KLF12: variants seen among roughly 807,000 people sequenced by gnomAD.
KLF12 encodes Krueppel-like factor 12.
Under a neutral mutation model 37.8 loss-of-function variants are expected in KLF12, and 9 were observed. That is an observed-to-expected ratio of 0.24 (90% CI 0.14 to 0.42). The LOEUF (loss-of-function observed/expected upper bound fraction) is 0.42. KLF12 is among the 10% of genes least tolerant of loss of function. KLF12 has a pLI of 1.00. For missense variants in KLF12, 411 were observed against 516.0 expected, an observed-to-expected ratio of 0.80 and a Z score of 1.97; for synonymous variants, 208 against 202.1, an observed-to-expected ratio of 1.03 and a Z score of -0.25.
At chr13:73,873,983 GA>G (rs1886591003) in intron 3 of KLF12, among the ~76,000 whole-genome samples, 1 of 152,052 alleles carries the variant, frequency 6.6e-6, no homozygotes, top group African/African-American at 2.4e-5. Context: ...GAATACAAGT[GA>G]ACTTGCTTAA....
At chr13:73,877,191 A>T (rs748602766) in intron 3 of KLF12, among the ~76,000 whole-genome samples, 5 of 152,072 alleles carry the variant, frequency 3.3e-5, no homozygotes, top group Non-Finnish European at 5.9e-5. Flanking sequence ...TTAGAAACTA[A>T]CTCCCAATGT....
intron 5 of KLF12, among the ~76,000 whole-genome samples, chr13:73,805,650 G>GAGGAAGGAAGGAAGGAAGGA (rs1164051826): frequency 5.4e-5 from 2 of 37,062 alleles, no homozygotes; most frequent in South Asian, 1.2e-3. Flanking sequence ...GGGAGGGAGG[G>GAGGAAGGAAGGAAGGAAGGA]AGGAAGGAAG....
Position 73,699,184 on chromosome 13 carries a change from G to GC in KLF12, c.1028-3514dup, listed in dbSNP as rs558807709. Among the ~76,000 whole-genome samples, 142 of 129,028 alleles carry GC rather than the reference G, an allele frequency of 1.1e-3. 2 individuals carry two copies. The highest frequency in any genetic ancestry group is 3.9e-3 in the African/African-American group (133 of 33,826). The allele number at this position is 129,028 out of a possible 152,430, so 84.6% of individuals were successfully genotyped here. ...GAGATCATCCTGGGCAATACAGTGA[G>GC]CCCCCCCACCCCCCCACTGCAATCT... On this transcript the variant is annotated intron_variant, in intron 7 of 7. Transcript: ENST00000377669.
intron 1 of KLF12, among the ~76,000 whole-genome samples, chr13:74,075,561 T>G (rs984760510): frequency 2.6e-5 from 4 of 152,204 alleles, no homozygotes; most frequent in Admixed American, 2.6e-4. Flanking sequence ...CATCAAACAT[T>G]GAGAACCACT....
rs180847294 is a variant in KLF12, at chr13:74,064,372, T to C, written c.-31-69319A>G. 9.0e-4 allele frequency among the ~76,000 whole-genome samples: 137 copies of C among 151,456 alleles called. 1 individual carries two copies. Among genetic ancestry groups the C allele is most frequent in the South Asian group, 4.0e-3 (19 of 4,730 alleles). ...TATTACATATGATTTTCTACAGGCA[T>C]GAACAGTGTCTTCGTGGATTTCACT... On this transcript the variant is annotated intron_variant, in intron 1 of 7. Transcript: ENST00000377669.
At chr13:74,261,523 A>G in the KLF12 span, among the ~76,000 whole-genome samples, 1 of 151,680 alleles carries the variant, frequency 6.6e-6, no homozygotes, top group African/African-American at 2.4e-5. Context: ...ATGTTATCTC[A>G]AAAAAAGAAA....
At chr13:73,963,262 T>C (rs1891072648) in intron 2 of KLF12, among the ~76,000 whole-genome samples, 2 of 148,334 alleles carry the variant, frequency 1.3e-5, no homozygotes, top group Admixed American at 1.4e-4. Context: ...TTAACAATCA[T>C]AAAGTATAAG....
rs551055080 is a variant in KLF12 at position 73,930,331 on chromosome 13, A to G, written c.123+13650T>C. ...AAATAAACTGGCCACATCATATGTCATACATTATTTTTGCCTCTTACAGTT... is the reference window on the plus strand; with the variant it reads ...AAATAAACTGGCCACATCATATGTCGTACATTATTTTTGCCTCTTACAGTT... On this transcript the variant is annotated intron_variant, in intron 3 of 7. Coordinates refer to ENST00000377669, the MANE Select transcript of KLF12 (RefSeq NM_007249.5). Among the ~76,000 whole-genome samples, 3 of 152,338 alleles carry G rather than the reference A, an allele frequency of 2.0e-5. No individual in the cohort carries two copies. In the East Asian group the frequency reaches 5.8e-4, roughly 29 times the overall value.
chr13:73,937,040 A>C (rs1163908011), intron 3 of KLF12, among the ~76,000 whole-genome samples: 1 of 152,094 alleles, frequency 6.6e-6, no homozygotes, highest in Non-Finnish European at 1.5e-5. Context: ...AAATACAAAA[A>C]TTAGCCAGGC....
chr13:73,849,482 C>T (rs145729282), intron 3 of KLF12, among the ~76,000 whole-genome samples: 307 of 149,844 alleles, frequency 2.0e-3, no homozygotes, highest in Non-Finnish European at 3.7e-3. Context: ...CAAGGGGGAA[C>T]GAAGGCTGAG....
intron 5 of KLF12, among the ~76,000 whole-genome samples, chr13:73,808,387 G>T (rs1351986971): frequency 6.6e-6 from 1 of 152,152 alleles, no homozygotes; most frequent in Non-Finnish European, 1.5e-5. Context: ...GTGGATAAAT[G>T]AGAGTCAAGT....
At chr13:73,741,003 A>G (rs2137889604) in intron 6 of KLF12, among the ~76,000 whole-genome samples, 1 of 152,346 alleles carries the variant, frequency 6.6e-6, no homozygotes, top group East Asian at 1.9e-4. Flanking sequence ...ACACAAAATG[A>G]GACACAGTCT....
intron 6 of KLF12, among the ~76,000 whole-genome samples, chr13:73,747,328 G>A (rs1878442251): frequency 1.3e-5 from 2 of 152,158 alleles, no homozygotes. Flanking sequence ...TTTAGCTACG[G>A]AGAAGGCTGT....
chr13:73,776,395 C>A (rs1432934980), intron 5 of KLF12, among the ~76,000 whole-genome samples: 2 of 152,160 alleles, frequency 1.3e-5, no homozygotes, highest in Admixed American at 1.3e-4. Context: ...TTATTTCAGG[C>A]CTTGGCATCT....
At chr13:74,124,047 C>T (rs1202219619) in intron 1 of KLF12, among the ~76,000 whole-genome samples, 1 of 152,190 alleles carries the variant, frequency 6.6e-6, no homozygotes, top group African/African-American at 2.4e-5. Flanking sequence ...GTATTCTAAA[C>T]TGTCTTAATT....
At chr13:74,026,124 C>A (rs1416155255) in intron 1 of KLF12, among the ~76,000 whole-genome samples, 4 of 147,148 alleles carry the variant, frequency 2.7e-5, no homozygotes, top group Non-Finnish European at 4.5e-5. Flanking sequence ...ATTGCAAATT[C>A]ATTACATGAA....
chr13:74,129,481 G>A lies in KLF12; in HGVS notation c.-32+4258C>T, dbSNP rs150303467. On this transcript the variant is annotated intron_variant, in intron 1 of 7. Transcript: ENST00000377669. ...GGTAGTTATCGTGGTAGCTTCTACA[G>A]TCACTGATAGTGGTGGGGAAACTAT... is the stretch of plus-strand genomic sequence containing the variant. Among the ~76,000 whole-genome samples, 470 of 152,298 alleles carry A rather than the reference G, an allele frequency of 3.1e-3. 1 individual carries two copies. The highest frequency in any genetic ancestry group is 0.011 in the African/African-American group (449 of 41,556).
intron 1 of KLF12, among the ~76,000 whole-genome samples, chr13:74,013,797 ATAAAG>A (rs1037639143): frequency 6.6e-6 from 1 of 152,164 alleles, no homozygotes. Context: ...GTCACATAAA[ATAAAG>A]CAAAAAGACT....
intron 7 of KLF12, 29 bp from the exon 8 acceptor site, chr13:73,695,700 G>T: frequency 6.2e-7 from 1 of 1,604,264 alleles, no homozygotes; most frequent in Non-Finnish European, 8.5e-7. Flanking sequence ...CACAAGCTTT[G>T]GTGCTCCATC....
Sources: gnomAD v4.1 joint callset for allele counts (sites outside exome capture counted in the v4.1 genomes callset) on GRCh38, gnomAD v4.1.1 for gene constraint, MANE v1.5 for transcripts, NCBI Gene and HGNC (gene_info 2026-07-23, HGNC 2026-07-21) for gene names.